SAMD12: variants seen among roughly 807,000 people sequenced by gnomAD.
SAMD12 encodes sterile alpha motif domain containing 12.
A neutral mutation model predicts 15.0 loss-of-function variants in SAMD12; 9 were observed. The observed-to-expected ratio is 0.60, with a 90% CI of 0.36 to 1.05. SAMD12 has a LOEUF of 1.05. Among genes scored for constraint, SAMD12 ranks in the 50% least tolerant of loss-of-function variants. SAMD12 has a pLI of 0.01. For missense variants in SAMD12, 230 were observed against 234.2 expected (o/e 0.98, Z 0.12); for synonymous variants, 86 against 90.1 (o/e 0.96, Z 0.25).
At chr8:118,601,275 T>A (rs547094705) in intron 1 of SAMD12, among the ~76,000 whole-genome samples, 11 of 152,214 alleles carry the variant, frequency 7.2e-5, no homozygotes, top group Non-Finnish European at 1.5e-4. Flanking sequence ...TTCTTAAATT[T>A]CTAATTGTAT....
At chr8:118,217,896 T>A (rs954505198) in intron 4 of SAMD12, among the ~76,000 whole-genome samples, 2 of 152,320 alleles carry the variant, frequency 1.3e-5, no homozygotes, top group Admixed American at 6.5e-5. Flanking sequence ...TCCTAATACT[T>A]AGAAAAGCTT....
chr8:118,517,746 T>G (rs780815381), intron 2 of SAMD12, among the ~76,000 whole-genome samples: 8 of 151,944 alleles, frequency 5.3e-5, no homozygotes, highest in Non-Finnish European at 1.2e-4. Context: ...TCGACCAGCA[T>G]TTTTTGGTAA....
At chr8:118,410,429 T>C (rs10282809) in intron 3 of SAMD12, among the ~76,000 whole-genome samples, 52,953 of 152,082 alleles carry the variant, frequency 0.35, 9,921 homozygotes, top group African/African-American at 0.42. Context: ...TTGACATTTC[T>C]CTCATCAAGA....
chr8:118,594,306 C>A (rs1394442930), intron 1 of SAMD12, among the ~76,000 whole-genome samples: 1 of 151,884 alleles, frequency 6.6e-6, no homozygotes, highest in Admixed American at 6.6e-5. Context: ...CTTGATTATT[C>A]TACTGTCTTG....
chr8:118,449,951 A>G (rs1407428228), intron 2 of SAMD12, among the ~76,000 whole-genome samples: 1 of 152,138 alleles, frequency 6.6e-6, no homozygotes, highest in East Asian at 1.9e-4. Context: ...GTATCACCTT[A>G]TGTCTTCCAG....
intron 4 of SAMD12, among the ~76,000 whole-genome samples, chr8:118,282,642 G>T (rs1813708543): frequency 6.6e-6 from 1 of 152,116 alleles, no homozygotes; most frequent in Non-Finnish European, 1.5e-5. Context: ...AAATGTGATT[G>T]GAATTTGCTA....
intron 2 of SAMD12, among the ~76,000 whole-genome samples, chr8:118,546,651 AC>A (rs1826135682): frequency 6.6e-6 from 1 of 152,222 alleles, no homozygotes; most frequent in African/African-American, 2.4e-5. Flanking sequence ...TGTTGAACTC[AC>A]TGGAAAGCCC....
At chr8:118,473,736 G>C (rs1375566677) in intron 2 of SAMD12, among the ~76,000 whole-genome samples, 1 of 152,062 alleles carries the variant, frequency 6.6e-6, no homozygotes, top group African/African-American at 2.4e-5. Flanking sequence ...CCTCGGCCTG[G>C]GAAGCATTGC....
chr8:118,567,176 A>G (rs1011830380), intron 2 of SAMD12, among the ~76,000 whole-genome samples: 1 of 152,178 alleles, frequency 6.6e-6, no homozygotes, highest in Admixed American at 6.5e-5. Context: ...AGATGAAGAC[A>G]CTCACTAAAG....
chr8:118,460,404 C>T (rs1029265051), intron 2 of SAMD12, among the ~76,000 whole-genome samples: 2 of 152,074 alleles, frequency 1.3e-5, no homozygotes, highest in Non-Finnish European at 1.5e-5. Context: ...AGGCTTGGGG[C>T]TTAGAGTCTC....
intron 4 of SAMD12, among the ~76,000 whole-genome samples, chr8:118,345,914 T>C (rs942392117): frequency 1.3e-5 from 2 of 151,116 alleles, no homozygotes; most frequent in Admixed American, 1.3e-4. Flanking sequence ...AAGTCAGCCA[T>C]GAAGAATGTG....
intron 4 of SAMD12, among the ~76,000 whole-genome samples, chr8:118,318,337 TATATATATATATATATATAC>T (rs1563758981): frequency 2.1e-5 from 2 of 96,976 alleles, no homozygotes; most frequent in African/African-American, 8.5e-5. Context: ...TATATATATA[TATATATATATATATATATAC>T]ATATATACCA....
At chr8:118,551,796 A>G (rs1459801278) in intron 2 of SAMD12, among the ~76,000 whole-genome samples, 17 of 151,934 alleles carry the variant, frequency 1.1e-4, no homozygotes, top group Non-Finnish European at 1.0e-4. Context: ...TAATAAAGAA[A>G]AAAAGAGAGA....
At chr8:118,247,952 G>A (rs1486023315) in intron 4 of SAMD12, among the ~76,000 whole-genome samples, 1 of 152,064 alleles carries the variant, frequency 6.6e-6, no homozygotes, top group Non-Finnish European at 1.5e-5. Context: ...GCTTATTGGG[G>A]GTATTAATTC....
chr8:118,333,766 C>A (rs1816914641), intron 4 of SAMD12, among the ~76,000 whole-genome samples: 1 of 152,106 alleles, frequency 6.6e-6, no homozygotes, highest in Admixed American at 6.5e-5. Flanking sequence ...TACGGTATAA[C>A]CTTTAATCCA....
intron 4 of SAMD12, among the ~76,000 whole-genome samples, chr8:118,318,375 C>T (rs1816056824): frequency 7.6e-6 from 1 of 131,822 alleles, no homozygotes; most frequent in Admixed American, 7.9e-5. Context: ...CCATGGAACA[C>T]TACTTGGGCA....
intron 2 of SAMD12, among the ~76,000 whole-genome samples, chr8:118,477,265 C>T (rs570808426): frequency 2.1e-4 from 32 of 152,138 alleles, no homozygotes; most frequent in African/African-American, 7.5e-4. Flanking sequence ...AGGGTTTTGC[C>T]ATGTTGGCCA....
At chr8:118,160,251 T>C in the SAMD12 span, among the ~76,000 whole-genome samples, 3 of 152,184 alleles carry the variant, frequency 2.0e-5, no homozygotes, top group Admixed American at 1.3e-4. Flanking sequence ...CTTGAACAAA[T>C]GGAGAGATAG....
chr8:118,301,804 G>A (rs73320256), intron 4 of SAMD12, among the ~76,000 whole-genome samples: 2,775 of 152,182 alleles, frequency 0.018, 68 homozygotes, highest in African/African-American at 0.061. Flanking sequence ...CTTCTCAGAT[G>A]GAATCATTGC....
Sources: gnomAD v4.1 joint callset for allele counts (sites outside exome capture counted in the v4.1 genomes callset) on GRCh38, gnomAD v4.1.1 for gene constraint, MANE v1.5 for transcripts, NCBI Gene and HGNC (gene_info 2026-07-23, HGNC 2026-07-21) for gene names.